The following ERGIC1 variants were observed in gnomAD, a reference collection of about 807,000 sequenced individuals.
The protein encoded by ERGIC1 is endoplasmic reticulum-golgi intermediate compartment 1, also known as endoplasmic reticulum-Golgi intermediate compartment protein 1.
In ERGIC1, 19 loss-of-function variants were observed where a neutral mutation model predicts 38.3. That is an observed-to-expected ratio of 0.50 (90% CI 0.35 to 0.73). The LOEUF is 0.73. Ranked by LOEUF, ERGIC1 falls within the 30% of genes least tolerant of loss-of-function variation. ERGIC1 has a pLI of 0.01. For missense variants in ERGIC1, 294 were observed against 389.2 expected (o/e 0.76, Z 2.06); for synonymous variants, 124 against 157.6 (o/e 0.79, Z 1.60).
intron 7 of ERGIC1, among the ~76,000 whole-genome samples, chr5:172,927,518 C>A (rs519818): frequency 6.6e-6 from 1 of 151,394 alleles, no homozygotes. Flanking sequence ...TACATAGCCA[C>A]GATTTTCTTA....
rs150242839 is a variant in ERGIC1, at chr5:172,945,908, T to C, written c.766-4801T>C. Among the ~76,000 whole-genome samples the C allele has an allele frequency of 1.5e-3, 234 of 152,292 alleles. 10 individuals carry two copies. The East Asian group carries it at 0.035, about 23-fold the overall frequency. The stretch of plus-strand genomic sequence containing the variant: ...CCAAGTGACCAGGTTGGTCGCAATC[T>C]CCTGAGTTCACGTGATCCTCCTACC... On this transcript the variant is annotated intron_variant, in intron 9 of 9. Coordinates refer to ENST00000393784, the MANE Select transcript of ERGIC1 (RefSeq NM_001031711.3).
rs564303977 is a variant in ERGIC1 at position 172,922,633 on chromosome 5, C to T, written c.376-1372C>T. 8.7e-4 allele frequency among the ~76,000 whole-genome samples: 133 copies of T among 152,272 alleles called. 1 individual carries two copies. The highest frequency in any genetic ancestry group is 3.1e-3 in the African/African-American group (127 of 41,532). On this transcript the variant is annotated intron_variant, in intron 5 of 9. Transcript: ENST00000393784. ...ATGGGGCCACACTGGATGCTGTTCC[C>T]GGCACGGCAGGAGACCAGACAGGAA...
At chr5:172,844,614 A>C (rs1390627177) in intron 1 of ERGIC1, among the ~76,000 whole-genome samples, 1 of 152,154 alleles carries the variant, frequency 6.6e-6, no homozygotes, top group East Asian at 1.9e-4. Flanking sequence ...GGGACCCACA[A>C]GTCAATTTCT....
intron 3 of ERGIC1, among the ~76,000 whole-genome samples, chr5:172,908,923 A>G (rs558879275): frequency 1.3e-5 from 2 of 152,258 alleles, no homozygotes; most frequent in African/African-American, 2.4e-5. Context: ...AGGAGGCTGT[A>G]AGGTCCTCTG....
chr5:172,859,452 T>C (rs1199154891), intron 1 of ERGIC1, among the ~76,000 whole-genome samples: 2 of 151,946 alleles, frequency 1.3e-5, no homozygotes, highest in African/African-American at 4.8e-5. Flanking sequence ...GGAATTAGCT[T>C]TCCCCCATTT....
At chr5:172,932,158 C>T (rs1342760219) in intron 7 of ERGIC1, among the ~76,000 whole-genome samples, 2 of 152,160 alleles carry the variant, frequency 1.3e-5, no homozygotes, top group Non-Finnish European at 2.9e-5. Flanking sequence ...CACGCCTGGC[C>T]AACACTCACT....
chr5:172,862,456 T>C (rs1006863741), intron 1 of ERGIC1, among the ~76,000 whole-genome samples: 4 of 151,674 alleles, frequency 2.6e-5, no homozygotes, highest in East Asian at 3.9e-4. Context: ...GTGGTGAGGA[T>C]GGCAATGGTG....
chr5:172,872,857 G>T (rs1416989825), intron 1 of ERGIC1, among the ~76,000 whole-genome samples: 1 of 152,062 alleles, frequency 6.6e-6, no homozygotes, highest in African/African-American at 2.4e-5. Context: ...AAAAAAGGTG[G>T]TCTCATAGCA....
rs375589121 is a variant in ERGIC1 at position 172,931,857 on chromosome 5, C to CTTTTTT, written c.542-565_542-560dup. Among the ~76,000 whole-genome samples the CTTTTTT allele has an allele frequency of 1.2e-3, 144 of 123,036 alleles. 2 individuals carry two copies. Among genetic ancestry groups the CTTTTTT allele is most frequent in the African/African-American group, 1.7e-3 (54 of 32,312 alleles). The allele number at this position is 123,036 out of a possible 152,430, so 80.7% of individuals were successfully genotyped here. On this transcript the variant is annotated intron_variant, in intron 7 of 9. Coordinates refer to ENST00000393784, the MANE Select transcript of ERGIC1 (RefSeq NM_001031711.3). ...AGAATAGCTGCTCCTAGCACCCACA[C>CTTTTTT]TTTTTTTTTTTTTTTTTTTGAGACA...
At chr5:172,866,617 C>T (rs184011534) in intron 1 of ERGIC1, among the ~76,000 whole-genome samples, 3 of 152,348 alleles carry the variant, frequency 2.0e-5, no homozygotes, top group East Asian at 3.9e-4. Flanking sequence ...AGCAAGCCAG[C>T]GAAGTGAGCA....
At chr5:172,920,548 G>A in intron 5 of ERGIC1, 1 of 677,570 alleles carries the variant, frequency 1.5e-6, no homozygotes, top group East Asian at 2.7e-5. Flanking sequence ...CACTGACGTA[G>A]GTTCCTAAGT....
chr5:172,879,697 G>A (rs944346391), intron 1 of ERGIC1, among the ~76,000 whole-genome samples: 2 of 152,096 alleles, frequency 1.3e-5, no homozygotes, highest in Admixed American at 6.5e-5. Context: ...ATCACCCATC[G>A]GGGGCAGGAG....
chr5:172,859,670 C>T (rs568497689), intron 1 of ERGIC1, among the ~76,000 whole-genome samples: 6 of 152,336 alleles, frequency 3.9e-5, no homozygotes, highest in East Asian at 1.9e-4. Flanking sequence ...TGGAGCCCTC[C>T]GTAGCCCTCA....
chr5:172,909,902 CGT>C, intron 4 of ERGIC1, 141 bp downstream of exon 4: 1 of 737,434 alleles, frequency 1.4e-6, no homozygotes, highest in African/African-American at 1.7e-5. Flanking sequence ...AATATAATTG[CGT>C]ATGCATGCAC....
intron 8 of ERGIC1, 45 bp from the exon 9 acceptor site, chr5:172,935,143 C>T: frequency 6.2e-6 from 10 of 1,613,350 alleles, no homozygotes; most frequent in Non-Finnish European, 8.5e-6. Context: ...CCCGCCCCCC[C>T]TGAGACACAG....
At chr5:172,906,589 G>T (rs1463999060) in intron 3 of ERGIC1, among the ~76,000 whole-genome samples, 1 of 152,166 alleles carries the variant, frequency 6.6e-6, no homozygotes, top group African/African-American at 2.4e-5. Context: ...GGGGCGCAAA[G>T]ATGTGGTCTT....
At chr5:172,925,508 G>A (rs544070650) in intron 6 of ERGIC1, among the ~76,000 whole-genome samples, 2 of 152,126 alleles carry the variant, frequency 1.3e-5, no homozygotes, top group African/African-American at 2.4e-5. Context: ...AACATCAGCC[G>A]CCTGAGACCA....
chr5:172,928,806 G>T (rs1261340953), intron 7 of ERGIC1, among the ~76,000 whole-genome samples: 1 of 152,202 alleles, frequency 6.6e-6, no homozygotes, highest in Non-Finnish European at 1.5e-5. Context: ...TCTTGGGAAA[G>T]TCATTTAACT....
chr5:172,852,676 C>T (rs149197905), intron 1 of ERGIC1, among the ~76,000 whole-genome samples: 164 of 152,376 alleles, frequency 1.1e-3, no homozygotes, highest in African/African-American at 3.8e-3. Context: ...TGAACCTCAG[C>T]TCTCCTACTT....
Sources: allele counts gnomAD v4.1 joint callset (sites outside exome capture counted in the v4.1 genomes callset), GRCh38; gene constraint gnomAD v4.1.1; transcripts MANE v1.5; gene names NCBI Gene and HGNC (gene_info 2026-07-23, HGNC 2026-07-21).